The following CADPS variants were observed in gnomAD, a reference collection of about 807,000 sequenced individuals.
The protein encoded by CADPS is calcium-dependent secretion activator 1.
Under a neutral mutation model 167.3 loss-of-function variants are expected in CADPS, and 57 were observed. The observed-to-expected ratio is 0.34, with a 90% CI of 0.28 to 0.42. CADPS has a LOEUF of 0.42. Ranked by LOEUF, CADPS falls within the 20% of genes least tolerant of loss-of-function variation. The probability of loss-of-function intolerance (pLI) is 1.00; values close to 1 mark genes in which losing one functional copy is unlikely to be tolerated. For missense variants in CADPS, 1,414 were observed against 1,738.1 expected, an observed-to-expected ratio of 0.81 and a Z score of 3.32; for synonymous variants, 676 against 635.3, an observed-to-expected ratio of 1.06 and a Z score of -0.96.
intron 1 of CADPS, among the ~76,000 whole-genome samples, chr3:62,784,022 G>C (rs530052296): frequency 1.3e-5 from 2 of 152,226 alleles, no homozygotes; most frequent in African/African-American, 4.8e-5. Context: ...ACTTAACCAG[G>C]GTTCCTTGGA....
chr3:62,574,325 A>G (rs2081883355), intron 8 of CADPS, among the ~76,000 whole-genome samples: 1 of 152,150 alleles, frequency 6.6e-6, no homozygotes, highest in Admixed American at 6.5e-5. Context: ...TCATATTTCT[A>G]TTTAAGAAGA....
chr3:62,530,791 A>G (rs1397979025), intron 13 of CADPS: 17 of 1,283,200 alleles, frequency 1.3e-5, no homozygotes, highest in Non-Finnish European at 1.7e-5. Context: ...GCAGCCCACT[A>G]AGGTACACAT....
intron 10 of CADPS, among the ~76,000 whole-genome samples, chr3:62,554,096 T>G (rs1052384559): frequency 6.6e-6 from 1 of 152,238 alleles, no homozygotes; most frequent in African/African-American, 2.4e-5. Flanking sequence ...AATAATTCAG[T>G]TGTTTGATAA....
At chr3:62,402,672 G>C (rs1559917279) in intron 29 of CADPS, among the ~76,000 whole-genome samples, 1 of 152,196 alleles carries the variant, frequency 6.6e-6, no homozygotes, top group Non-Finnish European at 1.5e-5. Flanking sequence ...GACATATTTA[G>C]AAATAGCTGG....
chr3:62,526,612 C>T (rs761481184), intron 13 of CADPS, among the ~76,000 whole-genome samples: 1 of 152,128 alleles, frequency 6.6e-6, no homozygotes, highest in Non-Finnish European at 1.5e-5. Flanking sequence ...TTAAGTACTG[C>T]AACCTTAGAA....
rs1276381841 is a variant in CADPS, at chr3:62,755,144, G to A, written c.556-1371C>T. ...GGACTTCCTTTTGGTAGCTCAAATT[G>A]TCTGACTACCAATGGGTAGTCTTTT... On this transcript the variant is annotated intron_variant, in intron 2 of 29. Transcript: ENST00000383710. 5.9e-5 allele frequency among the ~76,000 whole-genome samples: 9 copies of A among 152,152 alleles called. No individual in the cohort carries two copies. In the South Asian group the frequency reaches 6.2e-4, roughly 11 times the overall value.
intron 10 of CADPS, among the ~76,000 whole-genome samples, chr3:62,556,285 G>T (rs912623824): frequency 1.3e-4 from 20 of 152,324 alleles, no homozygotes; most frequent in African/African-American, 4.6e-4. Context: ...TCTGCATTCT[G>T]CTCTGGCAAG....
chr3:62,624,354 C>A (rs2063660472), intron 6 of CADPS, among the ~76,000 whole-genome samples: 1 of 152,108 alleles, frequency 6.6e-6, no homozygotes, highest in Non-Finnish European at 1.5e-5. Context: ...TTTGCAAACC[C>A]TTCCCAGTTC....
Position 62,760,963 on chromosome 3 carries a change from T to G in CADPS, c.555+4908A>C, listed in dbSNP as rs75563430. On this transcript the variant is annotated intron_variant, in intron 2 of 29. Coordinates refer to ENST00000383710, the MANE Select transcript of CADPS (RefSeq NM_003716.4). ...ATTGTCAATTGTAGGACTTTGTCCT[T>G]CTTTAGCCAAGTGGTGGGTTGGGAT... Among the ~76,000 whole-genome samples, 81 of 152,290 alleles carry G rather than the reference T, an allele frequency of 5.3e-4. 2 individuals are homozygous for G. In the East Asian group the frequency reaches 0.015, roughly 29 times the overall value.
chr3:62,583,778 C>CTT (rs11391913), intron 8 of CADPS, among the ~76,000 whole-genome samples: 7 of 151,880 alleles, frequency 4.6e-5, no homozygotes, highest in East Asian at 1.9e-4. Flanking sequence ...GAACCTTGGG[C>CTT]TTTTTTTGCT....
At chr3:62,650,337 A>G (rs931073636) in intron 5 of CADPS, among the ~76,000 whole-genome samples, 1 of 152,192 alleles carries the variant, frequency 6.6e-6, no homozygotes, top group African/African-American at 2.4e-5. Context: ...AAGAGAAATT[A>G]TAGAGAAACT....
chr3:62,757,888 C>A (rs147380188), intron 2 of CADPS, among the ~76,000 whole-genome samples: 1 of 152,136 alleles, frequency 6.6e-6, no homozygotes, highest in Admixed American at 6.6e-5. Flanking sequence ...TGGGAACTCG[C>A]CTTTATAAAA....
intron 4 of CADPS, among the ~76,000 whole-genome samples, chr3:62,660,143 C>A (rs1293927958): frequency 6.9e-6 from 1 of 144,248 alleles, no homozygotes; most frequent in Non-Finnish European, 1.5e-5. Flanking sequence ...TTAAAATTAG[C>A]CTAACACCAG....
chr3:62,755,180 G>T (rs920208080), intron 2 of CADPS, among the ~76,000 whole-genome samples: 1 of 152,104 alleles, frequency 6.6e-6, no homozygotes, highest in Non-Finnish European at 1.5e-5. Context: ...TACTTCACCC[G>T]GGTTCCTTCC....
At chr3:62,709,172 T>C (rs112294749) in intron 3 of CADPS, among the ~76,000 whole-genome samples, 4 of 152,124 alleles carry the variant, frequency 2.6e-5, no homozygotes, top group South Asian at 2.1e-4. Flanking sequence ...ATCTGACAAA[T>C]TGGGTCACTC....
intron 23 of CADPS, among the ~76,000 whole-genome samples, chr3:62,475,593 A>AC (rs2061188689): frequency 7.0e-5 from 10 of 142,638 alleles, no homozygotes; most frequent in African/African-American, 1.3e-4. Flanking sequence ...AGAAAAAAAA[A>AC]AAAAAAAAAA....
rs762534161 is a variant in CADPS at position 62,438,229 on chromosome 3, A to G, written c.3670-18T>C. Reference sequence around the variant, plus strand: ...CCGGGTTTCTGTAAAGAAACAGGAAAACATGAAAACGAATTTTCAGACAGC... The same window carrying G: ...CCGGGTTTCTGTAAAGAAACAGGAAGACATGAAAACGAATTTTCAGACAGC... On this transcript the variant is annotated intron_variant, in intron 27 of 29. Coordinates refer to ENST00000383710, the MANE Select transcript of CADPS (RefSeq NM_003716.4). This position sits in a 1 kb window ranked among gnomAD's most constrained non-coding sequence, Gnocchi z 4.7. The G allele has an allele frequency of 4.0e-5, 63 of 1,591,048 alleles. No individual in the cohort carries two copies. The highest frequency in any genetic ancestry group is 5.0e-5 in the Non-Finnish European group (58 of 1,159,336).
chr3:62,536,588 A>G lies in CADPS; in HGVS notation c.1967-7T>C, dbSNP rs1338132264. 6.2e-7 allele frequency: 1 copy of G among 1,612,362 alleles called. No individual in the cohort carries two copies. Among genetic ancestry groups the G allele is most frequent in the Non-Finnish European group, 8.5e-7 (1 of 1,178,882 alleles). ...TTTTGAGCTCTATCTGCGTCTGTTCATTTATACATGTAGAGAGAGACACAA... is the reference window on the plus strand; with the variant it reads ...TTTTGAGCTCTATCTGCGTCTGTTCGTTTATACATGTAGAGAGAGACACAA... On this transcript the variant is annotated splice_polypyrimidine_tract_variant and splice_region_variant and intron_variant, in intron 11 of 29. Coordinates refer to ENST00000383710, the MANE Select transcript of CADPS (RefSeq NM_003716.4).
chr3:62,428,406 T>C (rs940098146), intron 28 of CADPS, among the ~76,000 whole-genome samples: 3 of 149,980 alleles, frequency 2.0e-5, no homozygotes, highest in Middle Eastern at 3.5e-3. Flanking sequence ...GGAAGCTGTA[T>C]TGCTGATCTA....
Sources: gnomAD v4.1 joint callset for allele counts (sites outside exome capture counted in the v4.1 genomes callset) on GRCh38, gnomAD v4.1.1 for gene constraint, Gnocchi (gnomAD v3.1) non-coding constraint, MANE v1.5 for transcripts, NCBI Gene and HGNC (gene_info 2026-07-23, HGNC 2026-07-21) for gene names.